Variants in OPHN1 observed in about 807,000 individuals in gnomAD.
The protein encoded by OPHN1 is oligophrenin-1.
A neutral mutation model predicts 60.7 loss-of-function variants in OPHN1; 11 were observed. The observed-to-expected ratio is 0.18, with a 90% CI of 0.11 to 0.30. The LOEUF (loss-of-function observed/expected upper bound fraction) is 0.30, where lower values mean the gene tolerates loss of function less well. Ranked by LOEUF, OPHN1 falls within the 10% of genes least tolerant of loss-of-function variation. The pLI, the probability that OPHN1 is intolerant of heterozygous loss-of-function variation, is 1.00. For missense variants in OPHN1, 449 were observed against 611.0 expected, an observed-to-expected ratio of 0.73 and a Z score of 2.80; for synonymous variants, 226 against 222.6, an observed-to-expected ratio of 1.02 and a Z score of -0.14.
rs186076761 is a variant in OPHN1 at position 68,116,370 on chromosome X, C to T, written c.1361+2878G>A. On this transcript the variant is annotated intron_variant, in intron 16 of 24. Transcript: ENST00000355520. ...CATTTTCATTTTCTCCCTTGTTATG[C>T]CAGAGTCAGATTGGAAAGTAAGTCA... Among the ~76,000 whole-genome samples the T allele has an allele frequency of 2.2e-4, 24 of 111,483 alleles. No individual in the cohort carries two copies. The East Asian group carries it at 4.0e-3, about 18-fold the overall frequency.
rs778898807 is a variant in OPHN1 at position 68,185,806 on chromosome X, G to A, written c.1276+7113C>T. On this transcript the variant is annotated intron_variant, in intron 15 of 24. Transcript: ENST00000355520. ...AAGAAAAGGAGAAAGGGGATCATGA[G>A]GCAAGGCAGAAGATAAACAATAAGA... Among the ~76,000 whole-genome samples, 8 of 110,325 alleles carry A rather than the reference G, an allele frequency of 7.3e-5. No individual in the cohort carries two copies. The South Asian group carries it at 3.1e-3, about 43-fold the overall frequency.
intron 15 of OPHN1, among the ~76,000 whole-genome samples, chrX:68,151,969 T>A (rs2077286955): frequency 1.8e-5 from 2 of 110,592 alleles, no homozygotes; most frequent in South Asian, 3.9e-4. Flanking sequence ...CGTGTCTACA[T>A]GGCCAGAGCA....
chrX:68,063,990 C>T lies in OPHN1; in HGVS notation c.2022G>A (p.Val674=), dbSNP rs150579646. ...PCPEVDVGKL[V]SRLQDGGTKI... ...TGGTCCCTCCATCCTGCAGCCTAGA[C>T]ACCAACTTCCCCACGTCCACCTCTG... Residue 674 remains valine, a synonymous_variant, in exon 21 of 25, where the codon GTG becomes GTA. Transcript: ENST00000355520. The T allele has an allele frequency of 2.5e-6, 3 of 1,207,556 alleles. No homozygotes were observed. Among genetic ancestry groups the T allele is most frequent in the African/African-American group, 3.5e-5 (2 of 56,542 alleles).
intron 5 of OPHN1, among the ~76,000 whole-genome samples, chrX:68,270,018 G>A (rs1281097808): frequency 9.0e-6 from 1 of 111,534 alleles, no homozygotes; most frequent in Non-Finnish European, 1.9e-5. Context: ...TCAGAGAAAT[G>A]CAAATCAAAA....
At chrX:68,205,951 T>C (rs1280301508) in intron 10 of OPHN1, among the ~76,000 whole-genome samples, 1 of 87,201 alleles carries the variant, frequency 1.1e-5, no homozygotes, top group Admixed American at 1.4e-4. Context: ...AACCCCCATG[T>C]GTGTATCTGT....
chrX:68,368,704 C>T (rs934826602), intron 2 of OPHN1, among the ~76,000 whole-genome samples: 1 of 111,744 alleles, frequency 8.9e-6, no homozygotes, highest in African/African-American at 3.2e-5. Context: ...TACCCACACA[C>T]ACAACCAATC....
intron 21 of OPHN1, among the ~76,000 whole-genome samples, chrX:68,062,561 T>C (rs1169212968): frequency 1.8e-5 from 2 of 112,466 alleles, no homozygotes; most frequent in Non-Finnish European, 3.8e-5. Flanking sequence ...CAAGCCCTCT[T>C]ATCTAAACCT....
chrX:68,187,618 G>C (rs2077468726), intron 15 of OPHN1, among the ~76,000 whole-genome samples: 1 of 109,956 alleles, frequency 9.1e-6, no homozygotes, highest in African/African-American at 3.3e-5. Context: ...TTGGTTTTTT[G>C]TTTGTTTGTT....
In OPHN1 at chrX:68,383,421, G is replaced by A. The variant is rs188700904; in HGVS notation, c.154+49446C>T. Among the ~76,000 whole-genome samples the A allele has an allele frequency of 4.3e-3, 463 of 107,667 alleles. 2 individuals are homozygous for A. The highest frequency in any genetic ancestry group is 0.015 in the African/African-American group (442 of 29,643). The allele number at this position is 107,667 out of a possible 115,157, so 93.5% of individuals were successfully genotyped here. On this transcript the variant is annotated intron_variant, in intron 2 of 24. Coordinates refer to ENST00000355520, the MANE Select transcript of OPHN1 (RefSeq NM_002547.3). ...AGCCTGGCCAATATGGTGAAACCCC[G>A]CCTCTACTAAAAATACAATAAGAAA...
chrX:68,058,973 T>C (rs1376561496), intron 21 of OPHN1, among the ~76,000 whole-genome samples: 1 of 111,704 alleles, frequency 9.0e-6, no homozygotes, highest in African/African-American at 3.3e-5. Context: ...ACTATCCTCA[T>C]TATACAAATG....
chrX:68,317,338 G>GGAAAGAAAGAAAGAAA (rs796692093), intron 2 of OPHN1, among the ~76,000 whole-genome samples: 657 of 28,767 alleles, frequency 0.023, 39 homozygotes, highest in East Asian at 0.041. Flanking sequence ...AAGAAAGAGA[G>GGAAAGAAAGAAAGAAA]GAAAGAAAGA....
intron 2 of OPHN1, among the ~76,000 whole-genome samples, chrX:68,416,057 TATATATATATAGAGAGAGAG>T (rs1300083561): frequency 2.3e-3 from 18 of 7,880 alleles, no homozygotes; most frequent in Non-Finnish European, 2.9e-3. Context: ...TATATATATA[TATATATATATAGAGAGAGAG>T]AGAGAGAGAG....
At chrX:68,071,288 T>C in intron 20 of OPHN1, 1 of 749,253 alleles carries the variant, frequency 1.3e-6, no homozygotes, top group Non-Finnish European at 2.1e-6. Context: ...AAAGCACCAT[T>C]GACATGCACA....
chrX:68,222,754 A>G (rs1316503248), intron 6 of OPHN1, among the ~76,000 whole-genome samples: 1 of 84,675 alleles, frequency 1.2e-5, no homozygotes, highest in African/African-American at 4.6e-5. Flanking sequence ...CAGGAAGAGG[A>G]GTATCACACT....
chrX:68,118,436 C>CA (rs1452411938), intron 16 of OPHN1, among the ~76,000 whole-genome samples: 2 of 111,505 alleles, frequency 1.8e-5, no homozygotes, highest in African/African-American at 6.5e-5. Context: ...GCTACAGTAG[C>CA]AAAATATTTA....
At chrX:68,355,554 T>C (rs1349603338) in intron 2 of OPHN1, among the ~76,000 whole-genome samples, 1 of 112,496 alleles carries the variant, frequency 8.9e-6, no homozygotes, top group Non-Finnish European at 1.9e-5. Flanking sequence ...TTTCTTTACT[T>C]AGCTTTGAGG....
At chrX:68,370,432 G>A (rs756273781) in intron 2 of OPHN1, among the ~76,000 whole-genome samples, 2 of 109,171 alleles carry the variant, frequency 1.8e-5, no homozygotes, top group South Asian at 8.1e-4. Context: ...GCTTGAACCG[G>A]GGAGGTGGAG....
chrX:68,161,665 T>C (rs905506259), intron 15 of OPHN1, among the ~76,000 whole-genome samples: 12 of 111,193 alleles, frequency 1.1e-4, no homozygotes, highest in African/African-American at 3.9e-4. Context: ...GGAAAATTAG[T>C]ATTGTTTATA....
intron 6 of OPHN1, among the ~76,000 whole-genome samples, chrX:68,229,352 G>T (rs1412036171): frequency 8.9e-6 from 1 of 111,813 alleles, no homozygotes. Flanking sequence ...GTAATTTATA[G>T]ATTCAATGCC....
Sources: gnomAD v4.1 joint callset for allele counts (sites outside exome capture counted in the v4.1 genomes callset) on GRCh38, gnomAD v4.1.1 for gene constraint, MANE v1.5 for transcripts, NCBI Gene and HGNC (gene_info 2026-07-23, HGNC 2026-07-21) for gene names.